AGAP1: variants seen among roughly 807,000 people sequenced by gnomAD.
AGAP1 encodes the protein arf-GAP with GTPase, ANK repeat and PH domain-containing protein 1.
AGAP1 carries 29 observed loss-of-function variants against 105.3 expected under a neutral mutation model. The observed-to-expected ratio is 0.28, with a 90% CI of 0.21 to 0.38. The LOEUF is 0.38. Ranked by LOEUF, AGAP1 falls within the 10% of genes least tolerant of loss-of-function variation. AGAP1 has a pLI of 1.00. For missense variants in AGAP1, 998 were observed against 1,165.1 expected (o/e 0.86, Z 2.09); for synonymous variants, 509 against 485.9 (o/e 1.05, Z -0.63).
intron 9 of AGAP1, among the ~76,000 whole-genome samples, chr2:235,817,224 C>T (rs919776512): frequency 2.0e-5 from 3 of 152,016 alleles, no homozygotes; most frequent in African/African-American, 7.3e-5. Flanking sequence ...CAGGAAGGCC[C>T]AGACTGTGCA....
At chr2:235,562,399 C>T (rs567701291) in intron 1 of AGAP1, among the ~76,000 whole-genome samples, 2 of 152,246 alleles carry the variant, frequency 1.3e-5, no homozygotes, top group African/African-American at 2.4e-5. Flanking sequence ...AGCCCCCTCC[C>T]TCTTGTGTGT....
At chr2:235,605,692 T>C (rs1021775573) in intron 1 of AGAP1, among the ~76,000 whole-genome samples, 1 of 151,876 alleles carries the variant, frequency 6.6e-6, no homozygotes, top group Non-Finnish European at 1.5e-5. Context: ...AACAGGGAGG[T>C]CTTTGAAGAG....
intron 12 of AGAP1, among the ~76,000 whole-genome samples, chr2:235,966,086 G>A (rs937805116): frequency 6.8e-6 from 1 of 147,286 alleles, no homozygotes; most frequent in African/African-American, 2.5e-5. Flanking sequence ...GGATGGAGGA[G>A]AGGGGAGCCC....
chr2:235,694,886 G>T (rs1188572996), intron 1 of AGAP1, among the ~76,000 whole-genome samples: 2 of 152,196 alleles, frequency 1.3e-5, no homozygotes. Context: ...GCACCAGGAT[G>T]CATGGGGGGT....
rs1327414556 is a variant in AGAP1, at chr2:236,128,031, C to G, written c.*3909C>G. 1 of 152,180 alleles carries G rather than the reference C, an allele frequency of 6.6e-6. No homozygotes were observed. The highest frequency in any genetic ancestry group is 6.6e-5 in the Admixed American group (1 of 15,250). The allele number at this position is 152,180 out of a possible 1,614,324, so 9.4% of individuals were successfully genotyped here. On this transcript the variant is annotated 3_prime_UTR_variant, in exon 18 of 18. Coordinates refer to ENST00000304032, the MANE Select transcript of AGAP1 (RefSeq NM_001037131.3). The surrounding 1 kb of genome is among the most constrained non-coding windows in gnomAD (Gnocchi z 5.9). ...AAACCTGCCCGTGGCTGACACTGTC[C>G]TCCAGCCTGCATTCTGGGGAGGCTG... is the stretch of plus-strand genomic sequence containing the variant.
intron 11 of AGAP1, among the ~76,000 whole-genome samples, chr2:235,917,457 T>C (rs954100192): frequency 1.3e-5 from 2 of 152,178 alleles, no homozygotes; most frequent in Non-Finnish European, 2.9e-5. Context: ...TTTCCTCTCC[T>C]CTTTCTCTCT....
At position 235,963,085 on chromosome 2, in the gene AGAP1, A is replaced by T. The variant is rs1441591299; in HGVS notation, c.1484-5377A>T. ...GTTGGCTGTGGTGGTCTCTTAGAGG[A>T]AGGTGGGTGGTGGTATTTCCAAGTG... On this transcript the variant is annotated intron_variant, in intron 12 of 17. Coordinates refer to ENST00000304032, the MANE Select transcript of AGAP1 (RefSeq NM_001037131.3). The surrounding 1 kb of genome is among the most constrained non-coding windows in gnomAD (Gnocchi z 5.1). 3.9e-5 allele frequency among the ~76,000 whole-genome samples: 6 copies of T among 152,062 alleles called. No individual in the cohort carries two copies. The highest frequency in any genetic ancestry group is 1.4e-4 in the African/African-American group (6 of 41,418).
chr2:235,585,443 C>CA (rs1486779043), intron 1 of AGAP1, among the ~76,000 whole-genome samples: 2 of 152,178 alleles, frequency 1.3e-5, no homozygotes, highest in African/African-American at 2.4e-5. Flanking sequence ...ACCCCCATCT[C>CA]AAAATCTTTC....
intron 6 of AGAP1, chr2:235,774,020 T>G (rs1156313628): frequency 2.2e-6 from 1 of 464,504 alleles, no homozygotes; most frequent in Non-Finnish European, 4.4e-6. Flanking sequence ...GACCAAGAGA[T>G]AGCAATTACT....
chr2:235,750,548 A>G lies in AGAP1; in HGVS notation c.673+60A>G. ...CATGATAGACGGGAGGCACTTCAAG[A>G]AGTCAGTCCTGCCTGCACTTGTGCA... is the stretch of plus-strand genomic sequence containing the variant. On this transcript the variant is annotated intron_variant, in intron 6 of 17. Coordinates refer to ENST00000304032, the MANE Select transcript of AGAP1 (RefSeq NM_001037131.3). The surrounding 1 kb of genome is among the most constrained non-coding windows in gnomAD (Gnocchi z 5.3). 6.2e-7 allele frequency: 1 copy of G among 1,607,962 alleles called. No individual in the cohort carries two copies. Among genetic ancestry groups the G allele is most frequent in the East Asian group, 2.2e-5 (1 of 44,718 alleles).
Position 236,050,189 on chromosome 2 carries a change from T to C in AGAP1, c.2114+908T>C, listed in dbSNP as rs146901062. On this transcript the variant is annotated intron_variant, in intron 16 of 17. Transcript: ENST00000304032. This position sits in a 1 kb window ranked among gnomAD's most constrained non-coding sequence, Gnocchi z 4.0. ...GATAAAATGAAAGTTCAAGTGGTAA[T>C]CTGTGGTTACGCCACAGAAACCGGT... Among the ~76,000 whole-genome samples the C allele has an allele frequency of 6.6e-6, 1 of 152,362 alleles. No individual in the cohort carries two copies. The highest frequency in any genetic ancestry group is 2.4e-5 in the African/African-American group (1 of 41,584).
Position 235,660,137 on chromosome 2 carries a change from G to A in AGAP1, c.164-49042G>A, listed in dbSNP as rs1947899246. Reference sequence around the variant, plus strand: ...TCATGTTTTCCACCAAGGGAGGGAGGGACAGGCTTTCTCAGGGGGGCGGCC... The same window carrying A: ...TCATGTTTTCCACCAAGGGAGGGAGAGACAGGCTTTCTCAGGGGGGCGGCC... On this transcript the variant is annotated intron_variant, in intron 1 of 17. Coordinates refer to ENST00000304032, the MANE Select transcript of AGAP1 (RefSeq NM_001037131.3). This position sits in a 1 kb window ranked among gnomAD's most constrained non-coding sequence, Gnocchi z 5.3. 2.0e-5 allele frequency among the ~76,000 whole-genome samples: 3 copies of A among 152,188 alleles called. 1 individual carries two copies. In the South Asian group the frequency reaches 6.2e-4, roughly 32 times the overall value.
intron 1 of AGAP1, among the ~76,000 whole-genome samples, chr2:235,708,092 C>G (rs557840637): frequency 2.0e-5 from 3 of 151,288 alleles, no homozygotes; most frequent in African/African-American, 7.4e-5. Flanking sequence ...CCATGCGGTC[C>G]TCATATCACA....
intron 1 of AGAP1, among the ~76,000 whole-genome samples, chr2:235,495,273 G>C (rs1941266613): frequency 1.3e-5 from 2 of 151,314 alleles, no homozygotes; most frequent in African/African-American, 4.9e-5. Context: ...CTGCCGCTGG[G>C]GGCGAGGCCC....
intron 9 of AGAP1, among the ~76,000 whole-genome samples, chr2:235,808,796 T>C (rs1410789540): frequency 6.6e-6 from 1 of 152,176 alleles, no homozygotes; most frequent in Non-Finnish European, 1.5e-5. Context: ...CTTCCCTCCA[T>C]ATATTCAAAG....
At chr2:236,011,347 G>T (rs1401358759) in intron 13 of AGAP1, among the ~76,000 whole-genome samples, 1 of 152,172 alleles carries the variant, frequency 6.6e-6, no homozygotes, top group South Asian at 2.1e-4. Context: ...GATCAGTCTC[G>T]TTGTCTACAC....
In AGAP1 at chr2:235,988,069, G is replaced by A. The variant is rs1409050559; in HGVS notation, c.1645+19446G>A. Among the ~76,000 whole-genome samples the A allele has an allele frequency of 6.6e-6, 1 of 152,196 alleles. No individual in the cohort carries two copies. The highest frequency in any genetic ancestry group is 1.5e-5 in the Non-Finnish European group (1 of 68,036). On this transcript the variant is annotated intron_variant, in intron 13 of 17. Coordinates refer to ENST00000304032, the MANE Select transcript of AGAP1 (RefSeq NM_001037131.3). The surrounding 1 kb of genome is among the most constrained non-coding windows in gnomAD (Gnocchi z 4.7). The stretch of plus-strand genomic sequence containing the variant: ...TTCTGTTTTGTTTTTTGAAACAAGA[G>A]TCTCACTCTGTTGCCCAGGCTGGAG...
chr2:235,976,512 A>G lies in AGAP1; in HGVS notation c.1645+7889A>G, dbSNP rs1260292293. ...TCGTGATGAACCGACGCACAGAAGG[A>G]TGTTTGTAGTGTGGTTTTTGTTTGT... is the stretch of plus-strand genomic sequence containing the variant. On this transcript the variant is annotated intron_variant, in intron 13 of 17. Transcript: ENST00000304032. This position sits in a 1 kb window ranked among gnomAD's most constrained non-coding sequence, Gnocchi z 4.5. Among the ~76,000 whole-genome samples, 2 of 152,214 alleles carry G rather than the reference A, an allele frequency of 1.3e-5. No homozygotes were observed. Among genetic ancestry groups the G allele is most frequent in the African/African-American group, 4.8e-5 (2 of 41,458 alleles).
At chr2:235,643,896 CT>C (rs1668454090) in intron 1 of AGAP1, among the ~76,000 whole-genome samples, 1 of 152,124 alleles carries the variant, frequency 6.6e-6, no homozygotes, top group African/African-American at 2.4e-5. Context: ...TTTGGTTCTT[CT>C]GTGTCCTGTG....
Sources: gnomAD v4.1 joint callset for allele counts (sites outside exome capture counted in the v4.1 genomes callset) on GRCh38, gnomAD v4.1.1 for gene constraint, Gnocchi (gnomAD v3.1) non-coding constraint, MANE v1.5 for transcripts, NCBI Gene and HGNC (gene_info 2026-07-23, HGNC 2026-07-21) for gene names.